The following JAG2 variants were observed in gnomAD, a reference collection of about 807,000 sequenced individuals.
JAG2 encodes protein jagged-2.
Under a neutral mutation model 141.7 loss-of-function variants are expected in JAG2, and 46 were observed. The ratio of observed to expected loss-of-function variants is 0.32; its 90% CI spans 0.26 to 0.42. JAG2 has a LOEUF of 0.42. Among genes scored for constraint, JAG2 ranks in the 10% least tolerant of loss-of-function variants. The probability of loss-of-function intolerance (pLI) is 1.00; values close to 1 mark genes in which losing one functional copy is unlikely to be tolerated. For synonymous variants in JAG2, 862 were observed against 763.5 expected (o/e 1.13, Z -2.13); for missense variants, 1,500 against 1,817.5 (o/e 0.83, Z 3.18).
chr14:105,165,781 C>CG (rs1888890392), intron 2 of JAG2, among the ~76,000 whole-genome samples: 1 of 152,224 alleles, frequency 6.6e-6, no homozygotes, highest in Non-Finnish European at 1.5e-5. Flanking sequence ...AAAAGCCCCA[C>CG]GGGCCTGGGC....
At chr14:105,157,403 G>A (rs1028348657) in intron 3 of JAG2, among the ~76,000 whole-genome samples, 107 of 152,222 alleles carry the variant, frequency 7.0e-4, no homozygotes, top group African/African-American at 2.3e-3. Flanking sequence ...AGCAGAGGGG[G>A]CCACAAAGCC....
In JAG2 at chr14:105,147,695, C is replaced by A. The variant is rs2242636; in HGVS notation, c.2365+77G>T. 31 of 1,116,428 alleles carry A rather than the reference C, an allele frequency of 2.8e-5. No individual in the cohort carries two copies. In the South Asian group the frequency reaches 3.2e-4, roughly 11 times the overall value. 69.2% of individuals were successfully genotyped at this position (1,116,428 alleles called of 1,614,324 possible). On this transcript the variant is annotated intron_variant, in intron 18 of 25. Transcript: ENST00000331782. ...CAGGGGGAGGGGCTGGCAGAAGGGACTGGGGGGCGAGTCGGGGGCAGGGAT... is the reference window on the plus strand; with the variant it reads ...CAGGGGGAGGGGCTGGCAGAAGGGAATGGGGGGCGAGTCGGGGGCAGGGAT...
chr14:105,157,566 C>T, intron 3 of JAG2, 140 bp downstream of exon 3: 1 of 844,518 alleles, frequency 1.2e-6, no homozygotes, highest in Non-Finnish European at 1.9e-6. Context: ...AGCTTCCTGG[C>T]AGCCAAAGCA....
chr14:105,151,178 C>T lies in JAG2; in HGVS notation c.1268-74G>A, dbSNP rs587760039. The T allele has an allele frequency of 6.2e-5, 85 of 1,379,326 alleles. No individual in the cohort carries two copies. The African/African-American group carries it at 9.7e-4, about 16-fold the overall frequency. 85.4% of individuals were successfully genotyped at this position (1,379,326 alleles called of 1,614,324 possible). A position where few individuals can be genotyped will look rare whatever the true frequency, so the allele number is the denominator to read the frequency against. On this transcript the variant is annotated intron_variant, in intron 9 of 25. Coordinates refer to ENST00000331782, the MANE Select transcript of JAG2 (RefSeq NM_002226.5). Reference sequence around the variant, plus strand: ...CCCTGCAGCACGGGCACCTGGCACCCGCAGCCCAGCAGCCCCAGCAGCCCC... The same window carrying T: ...CCCTGCAGCACGGGCACCTGGCACCTGCAGCCCAGCAGCCCCAGCAGCCCC...
chr14:105,147,482 C>T lies in JAG2; in HGVS notation c.2393+18G>A. On this transcript the variant is annotated intron_variant, in intron 19 of 25. Coordinates refer to ENST00000331782, the MANE Select transcript of JAG2 (RefSeq NM_002226.5). ...AAGTCCCACCCACCCCTGCTGTGGC[C>T]CCCAGGGTGCCACTCACCAAGGCAG... 3.7e-6 allele frequency: 6 copies of T among 1,608,488 alleles called. No homozygotes were observed. Among genetic ancestry groups the T allele is most frequent in the South Asian group, 2.2e-5 (2 of 91,008 alleles).
intron 2 of JAG2, among the ~76,000 whole-genome samples, chr14:105,166,951 G>A (rs1057141879): frequency 6.6e-6 from 1 of 152,098 alleles, no homozygotes; most frequent in Non-Finnish European, 1.5e-5. Context: ...TAAGGCGCCC[G>A]AGGCCTGGGC....
In JAG2 at chr14:105,148,211, G is replaced by A. The variant is rs865846454; in HGVS notation, c.2153C>T (p.Ala718Val). The change falls in exon 17 of 26, where the codon GCC becomes GTC. Residue 718 changes from alanine to valine, a missense_variant. Ala to Val is a moderately conservative substitution (Grantham distance 64). Transcript: ENST00000331782. ...TCHSREFQCD[A>V]YTCSNGGTCY... ...GGTGCCACCGTTGCTGCAGGTGTAG[G>A]CATCGCACTGGAACTCGCCTGTTGG... The A allele has an allele frequency of 6.4e-7, 1 of 1,557,148 alleles. No homozygotes were observed. The highest frequency in any genetic ancestry group is 8.7e-7 in the Non-Finnish European group (1 of 1,150,866).
intron 2 of JAG2, among the ~76,000 whole-genome samples, chr14:105,164,562 G>A (rs587739781): frequency 6.6e-6 from 1 of 152,346 alleles, no homozygotes; most frequent in South Asian, 2.1e-4. Flanking sequence ...AAAACAGGAA[G>A]CAGAGTGGTG....
At chr14:105,160,631 G>C (rs1438285819) in intron 2 of JAG2, among the ~76,000 whole-genome samples, 2 of 152,008 alleles carry the variant, frequency 1.3e-5, no homozygotes, top group African/African-American at 4.8e-5. Flanking sequence ...AAGAGGCTGA[G>C]GCAGGCAGAT....
At chr14:105,146,795 C>G in intron 20 of JAG2, 71 bp from the exon 21 acceptor site, 1 of 1,232,454 alleles carries the variant, frequency 8.1e-7, no homozygotes. Flanking sequence ...TGGCCTAGGG[C>G]AGCGGGGAGC....
At chr14:105,151,158 C>G in intron 9 of JAG2, 54 bp from the exon 10 acceptor site, 4 of 1,542,878 alleles carry the variant, frequency 2.6e-6, no homozygotes, top group Non-Finnish European at 2.6e-6. Flanking sequence ...CTGCCCCCTG[C>G]AGCACGGGCA....
At chr14:105,146,351 G>T (rs138244145) in intron 22 of JAG2, 34 bp downstream of exon 22, 2 of 1,562,986 alleles carry the variant, frequency 1.3e-6, no homozygotes, top group Non-Finnish European at 1.8e-6. Context: ...CACCAGCCTC[G>T]GGTAGGGCAG....
chr14:105,149,366 C>T, intron 12 of JAG2, 46 bp from the exon 13 acceptor site: 1 of 1,611,436 alleles, frequency 6.2e-7, no homozygotes, highest in Non-Finnish European at 8.5e-7. Flanking sequence ...CAGGCCCAGG[C>T]CGGGAACACA....
At chr14:105,160,723 C>T (rs1888722892) in intron 2 of JAG2, among the ~76,000 whole-genome samples, 1 of 152,098 alleles carries the variant, frequency 6.6e-6, no homozygotes, top group Admixed American at 6.5e-5. Flanking sequence ...ATTAGCCAGC[C>T]ATGGTGGCAG....
intron 2 of JAG2, among the ~76,000 whole-genome samples, chr14:105,160,418 C>G (rs1485406106): frequency 6.8e-6 from 1 of 147,646 alleles, no homozygotes; most frequent in Non-Finnish European, 1.5e-5. Context: ...CCAGCCGCTT[C>G]CCAGGCGTCT....
chr14:105,154,707 A>G lies in JAG2; in HGVS notation c.788+855T>C, dbSNP rs1178289370. Among the ~76,000 whole-genome samples, 1 of 151,396 alleles carries G rather than the reference A, an allele frequency of 6.6e-6. No individual in the cohort carries two copies. Among genetic ancestry groups the G allele is most frequent in the Non-Finnish European group, 1.5e-5 (1 of 67,822 alleles). On this transcript the variant is annotated intron_variant, in intron 5 of 25. Transcript: ENST00000331782. The surrounding 1 kb of genome is among the most constrained non-coding windows in gnomAD (Gnocchi z 4.4). ...TCACCGCCTGAATGCCACCCCCCAC[A>G]GGCCCCGCGTGGCGCAGGCCAGGCC...
chr14:105,163,761 A>T (rs1471582896), intron 2 of JAG2, among the ~76,000 whole-genome samples: 2 of 151,044 alleles, frequency 1.3e-5, no homozygotes, highest in Non-Finnish European at 3.0e-5. Flanking sequence ...GGACCTGGGG[A>T]CAGGGACCCA....
rs587758850 is a variant in JAG2 at position 105,167,216 on chromosome 14, G to C, written c.417+541C>G. On this transcript the variant is annotated intron_variant, in intron 2 of 25. Coordinates refer to ENST00000331782, the MANE Select transcript of JAG2 (RefSeq NM_002226.5). This position sits in a 1 kb window ranked among gnomAD's most constrained non-coding sequence, Gnocchi z 4.8. ...GGATCCACTATCTCTGTCTCTGAAC[G>C]ATCTTGGGTCACCATCGGGGGCTTC... 1.7e-3 allele frequency among the ~76,000 whole-genome samples: 256 copies of C among 152,334 alleles called. 1 individual carries two copies. Among genetic ancestry groups the C allele is most frequent in the Non-Finnish European group, 2.3e-3 (157 of 68,022 alleles).
intron 5 of JAG2, among the ~76,000 whole-genome samples, chr14:105,153,454 G>A (rs1322770405): frequency 6.6e-6 from 1 of 152,254 alleles, no homozygotes; most frequent in Non-Finnish European, 1.5e-5. Flanking sequence ...AGCGGCCACA[G>A]CCGGGCTCAG....
Sources: allele counts gnomAD v4.1 joint callset (sites outside exome capture counted in the v4.1 genomes callset), GRCh38; gene constraint gnomAD v4.1.1; non-coding constraint Gnocchi (gnomAD v3.1); transcripts MANE v1.5; gene names NCBI Gene and HGNC (gene_info 2026-07-23, HGNC 2026-07-21).